COL15A1: variants seen among roughly 807,000 people sequenced by gnomAD.
COL15A1 encodes collagen type XV alpha 1 chain.
COL15A1 carries 111 observed loss-of-function variants against 165.9 expected under a neutral mutation model. The ratio of observed to expected loss-of-function variants is 0.67; its 90% confidence interval spans 0.57 to 0.78. The LOEUF (loss-of-function observed/expected upper bound fraction) is 0.78, where lower values mean the gene tolerates loss of function less well. Among genes scored for constraint, COL15A1 ranks in the 30% least tolerant of loss-of-function variants. The pLI, the probability that COL15A1 is intolerant of heterozygous loss-of-function variation, is 0.00. For missense variants in COL15A1, 1,745 were observed against 1,789.7 expected (o/e 0.98, Z 0.45); for synonymous variants, 659 against 674.8 (o/e 0.98, Z 0.36).
rs766777636 is a variant in COL15A1 at position 99,023,426 on chromosome 9, G to T, written c.1831G>T (p.Val611Leu). The T allele has an allele frequency of 1.3e-5, 19 of 1,499,640 alleles. No homozygotes were observed. Among genetic ancestry groups the T allele is most frequent in the Non-Finnish European group, 1.7e-5 (18 of 1,076,654 alleles). 92.9% of individuals were successfully genotyped at this position (1,499,640 alleles called of 1,614,324 possible). A position where few individuals can be genotyped will look rare whatever the true frequency, so the allele number is the denominator to read the frequency against. The change falls in exon 14 of 42, where the codon GTG (valine) becomes TTG (leucine). Residue 611 changes from valine (V) to leucine (L), a missense_variant. Physicochemically the swap from Val to Leu is conservative, Grantham distance 32 (BLOSUM62 1). Coordinates refer to ENST00000375001, the MANE Select transcript of COL15A1 (RefSeq NM_001855.5). Reference protein sequence around the residue: ...SDVGSGSGDLVGSEQLLRGPP... With the variant: ...SDVGSGSGDLLGSEQLLRGPP... The stretch of plus-strand genomic sequence containing the variant: ...CGTCGGCTCTGGCTCTGGTGACCTG[G>T]TGGGCAGTGAGCAGCTGCTGAGAGT...
chr9:99,000,793 G>A (rs1838637537), intron 6 of COL15A1, 46 bp from the exon 7 acceptor site: 1 of 907,598 alleles, frequency 1.1e-6, no homozygotes, highest in Non-Finnish European at 1.8e-6. Context: ...TCTTTTCCAA[G>A]ACTGCAAAAT....
rs540198293 is a variant in COL15A1, at chr9:99,022,626, C to T, written c.1761+476C>T. On this transcript the variant is annotated intron_variant, in intron 13 of 41. Transcript: ENST00000375001. The stretch of plus-strand genomic sequence containing the variant: ...TCTCTCCGCCTCCATGTCACCACTT[C>T]CCTTCCCCCACACACATGTTCCCAC... Among the ~76,000 whole-genome samples the T allele has an allele frequency of 3.9e-5, 6 of 152,308 alleles. No individual in the cohort carries two copies. In the South Asian group the frequency reaches 1.2e-3, roughly 32 times the overall value.
At chr9:99,020,536 G>A in intron 12 of COL15A1, 94 bp downstream of exon 12, 1 of 881,342 alleles carries the variant, frequency 1.1e-6, no homozygotes, top group South Asian at 1.4e-5. Flanking sequence ...TCTGATCAAG[G>A]GGATCGCAGA....
chr9:99,003,596 C>G lies in COL15A1; in HGVS notation c.1200+9C>G. On this transcript the variant is annotated intron_variant, in intron 8 of 41. Transcript: ENST00000375001. ...AGGAAGGGGTCACTCCAGTAAGTAG[C>G]TCAGAGCGCAAGCTCCCCTTCACCT... The G allele has an allele frequency of 2.0e-6, 3 of 1,476,288 alleles. No homozygotes were observed. The South Asian group carries it at 4.3e-5, about 21-fold the overall frequency. 91.4% of individuals were successfully genotyped at this position (1,476,288 alleles called of 1,614,324 possible).
chr9:98,977,049 TAGC>T (rs1838153437), intron 2 of COL15A1, among the ~76,000 whole-genome samples: 1 of 152,084 alleles, frequency 6.6e-6, no homozygotes, highest in African/African-American at 2.4e-5. Context: ...GCATGGGAAA[TAGC>T]AGGGTAATAA....
At chr9:99,038,008 C>T (rs1165352122) in intron 21 of COL15A1, among the ~76,000 whole-genome samples, 1 of 151,966 alleles carries the variant, frequency 6.6e-6, no homozygotes, top group Non-Finnish European at 1.5e-5. Flanking sequence ...TAAGACATCA[C>T]ATCATGAAAA....
rs746086464 is a variant in COL15A1, at chr9:99,059,971, T to G, written c.3402+18T>G. ...GAAACCTGGTCAGTATTATCATCAG[T>G]GTGTAGTCATCATTCCATTTGGGAT... On this transcript the variant is annotated intron_variant, in intron 36 of 41. Coordinates refer to ENST00000375001, the MANE Select transcript of COL15A1 (RefSeq NM_001855.5). The G allele has an allele frequency of 1.2e-5, 20 of 1,612,020 alleles. No individual in the cohort carries two copies. The highest frequency in any genetic ancestry group is 1.6e-5 in the Non-Finnish European group (19 of 1,179,524).
At position 99,036,341 on chromosome 9, in the gene COL15A1, T is replaced by C. The variant is rs761695629; in HGVS notation, c.2354T>C (p.Ile785Thr). ...GAAAGGGGGATGGATGGAGCCAGTA[T>C]TGTGGGACCCCCTGGGCCGAGAGGG... ...KGERGMDGAS[I>T]VGPPGPRGPP... The change falls in exon 21 of 42, where the codon ATT becomes ACT. Residue 785 changes from isoleucine to threonine, a missense_variant. Coordinates refer to ENST00000375001, the MANE Select transcript of COL15A1 (RefSeq NM_001855.5). 9.9e-6 allele frequency: 16 copies of C among 1,614,132 alleles called. No homozygotes were observed. Among genetic ancestry groups the C allele is most frequent in the Admixed American group, 3.3e-5 (2 of 60,020 alleles).
intron 30 of COL15A1, 97 bp from the exon 31 acceptor site, chr9:99,052,291 C>T (rs1839603204): frequency 1.1e-6 from 1 of 894,990 alleles, no homozygotes; most frequent in Admixed American, 1.7e-5. Context: ...TGTGGCATTG[C>T]CTCTTTTGTC....
chr9:99,052,044 A>G (rs1839597678), intron 30 of COL15A1, among the ~76,000 whole-genome samples: 1 of 152,222 alleles, frequency 6.6e-6, no homozygotes, highest in South Asian at 2.1e-4. Context: ...ATCCCAACTG[A>G]TAAGAAAGGA....
chr9:98,996,972 A>G lies in COL15A1; in HGVS notation c.843A>G (p.Pro281=), dbSNP rs143370845. ...AAGTTGAACCCATAAACACACCTCC[A>G]ACTCCATCCTCCCCCTTTGAAGACA... ...EAKVEPINTP[P]TPSSPFEDME... The change falls in exon 6 of 42, where the codon CCA becomes CCG. Residue 281 remains proline (P), a synonymous_variant. Coordinates refer to ENST00000375001, the MANE Select transcript of COL15A1 (RefSeq NM_001855.5). 150 of 1,613,974 alleles carry G rather than the reference A, an allele frequency of 9.3e-5. 1 individual carries two copies. The African/African-American group carries it at 1.9e-3, about 21-fold the overall frequency.
At chr9:98,969,340 C>G (rs572686771) in intron 2 of COL15A1, among the ~76,000 whole-genome samples, 45 of 152,380 alleles carry the variant, frequency 3.0e-4, no homozygotes, top group African/African-American at 1.1e-3. Context: ...TCTCAAAACT[C>G]TCTCCTGAAG....
At chr9:98,969,563 C>T (rs1016883965) in intron 2 of COL15A1, among the ~76,000 whole-genome samples, 3 of 152,170 alleles carry the variant, frequency 2.0e-5, no homozygotes, top group African/African-American at 7.2e-5. Context: ...CTGTGGGAGA[C>T]CCCCTCTCGT....
intron 31 of COL15A1, among the ~76,000 whole-genome samples, chr9:99,053,244 T>C (rs748212847): frequency 4.9e-4 from 74 of 152,356 alleles, no homozygotes; most frequent in South Asian, 6.2e-4. Context: ...CACTTTCAGC[T>C]TGGCTGTGTC....
intron 28 of COL15A1, among the ~76,000 whole-genome samples, chr9:99,048,476 T>C (rs896974311): frequency 1.3e-5 from 2 of 152,126 alleles, no homozygotes; most frequent in Middle Eastern, 3.2e-3. Context: ...AAAAAGCCAA[T>C]GTTTATTCAG....
intron 4 of COL15A1, among the ~76,000 whole-genome samples, chr9:98,988,268 A>C (rs1463732647): frequency 6.6e-6 from 1 of 152,238 alleles, no homozygotes; most frequent in African/African-American, 2.4e-5. Flanking sequence ...CCTGTGTTCC[A>C]TGAGCCAGTG....
At chr9:99,026,093 C>A in intron 16 of COL15A1, 127 bp downstream of exon 16, 3 of 830,366 alleles carry the variant, frequency 3.6e-6, no homozygotes, top group Non-Finnish European at 5.6e-6. Context: ...CCCCTGCTGG[C>A]CACTTCTGCT....
intron 9 of COL15A1, 25 bp downstream of exon 9, chr9:99,005,075 G>T: frequency 1.9e-6 from 3 of 1,560,562 alleles, no homozygotes; most frequent in South Asian, 2.4e-5. Context: ...GTGCCCAAAG[G>T]TTGAGGTCAT....
At chr9:99,059,094 A>T (rs1537505) in intron 35 of COL15A1, among the ~76,000 whole-genome samples, 1 of 152,186 alleles carries the variant, frequency 6.6e-6, no homozygotes, top group African/African-American at 2.4e-5. Context: ...AGACTCCTAG[A>T]GAGTTCAAGG....
Sources: allele counts gnomAD v4.1 joint callset (sites outside exome capture counted in the v4.1 genomes callset), GRCh38; gene constraint gnomAD v4.1.1; transcripts MANE v1.5; gene names NCBI Gene and HGNC (gene_info 2026-07-23, HGNC 2026-07-21).